Variants in KIF26B observed in about 807,000 individuals in gnomAD.
The protein encoded by KIF26B is kinesin family member 26B.
In KIF26B, 63 loss-of-function variants were observed where a neutral mutation model predicts 151.2. The observed-to-expected ratio is 0.42, with a 90% CI of 0.34 to 0.51. The LOEUF (loss-of-function observed/expected upper bound fraction) is 0.51. KIF26B is among the 20% of genes least tolerant of loss of function. KIF26B has a pLI of 0.07. For missense variants in KIF26B, 2,813 were observed against 2,913.6 expected, an observed-to-expected ratio of 0.97 and a Z score of 0.79; for synonymous variants, 1,357 against 1,262.1, an observed-to-expected ratio of 1.08 and a Z score of -1.59.
chr1:245,630,572 G>A (rs565798204), intron 9 of KIF26B, among the ~76,000 whole-genome samples: 114 of 152,212 alleles, frequency 7.5e-4, no homozygotes, highest in African/African-American at 2.6e-3. Flanking sequence ...ACACACACCA[G>A]GGCCTGTCAG....
At chr1:245,657,448 G>A (rs757593096) in intron 10 of KIF26B, among the ~76,000 whole-genome samples, 2 of 152,116 alleles carry the variant, frequency 1.3e-5, no homozygotes, top group African/African-American at 2.4e-5. Context: ...TGGTGAAGAC[G>A]GGATTTTTGT....
chr1:245,462,464 G>A (rs1028520868), intron 4 of KIF26B, among the ~76,000 whole-genome samples: 1 of 152,180 alleles, frequency 6.6e-6, no homozygotes, highest in Non-Finnish European at 1.5e-5. Flanking sequence ...ACATTACTGA[G>A]TATTTATCAG....
Position 245,703,527 on chromosome 1 carries a change from C to G in KIF26B, c.*921C>G, listed in dbSNP as rs568820578. On this transcript the variant is annotated 3_prime_UTR_variant, in exon 15 of 15. Transcript: ENST00000407071. ...TATGTTCTGTAGACCGTTTGCCCCC[C>G]TCAAGTCCTCCACACATGTGGTTCC... is the stretch of plus-strand genomic sequence containing the variant. 1 of 152,334 alleles carries G rather than the reference C, an allele frequency of 6.6e-6. No homozygotes were observed. Among genetic ancestry groups the G allele is most frequent in the Non-Finnish European group, 1.5e-5 (1 of 68,034 alleles). 9.4% of individuals were successfully genotyped at this position (152,334 alleles called of 1,614,324 possible).
At chr1:245,700,412 C>T (rs2044754296) in intron 14 of KIF26B, among the ~76,000 whole-genome samples, 1 of 152,098 alleles carries the variant, frequency 6.6e-6, no homozygotes, top group Non-Finnish European at 1.5e-5. Context: ...CATTTCCTGG[C>T]CAGGCACGGT....
At chr1:245,622,941 G>A (rs1458689464) in intron 9 of KIF26B, among the ~76,000 whole-genome samples, 3 of 151,912 alleles carry the variant, frequency 2.0e-5, no homozygotes, top group African/African-American at 2.4e-5. Context: ...GATGGAGGCC[G>A]CAGGATGTAG....
intron 9 of KIF26B, among the ~76,000 whole-genome samples, chr1:245,624,557 C>G (rs2043702854): frequency 6.6e-6 from 1 of 152,164 alleles, no homozygotes; most frequent in African/African-American, 2.4e-5. Flanking sequence ...GCATCCATAC[C>G]TCTTCTTTGG....
At chr1:245,341,531 G>A (rs1379078983) in intron 2 of KIF26B, among the ~76,000 whole-genome samples, 2 of 151,812 alleles carry the variant, frequency 1.3e-5, no homozygotes, top group African/African-American at 4.8e-5. Context: ...TAGGTTGCCC[G>A]GGCTGGTCTC....
intron 5 of KIF26B, among the ~76,000 whole-genome samples, chr1:245,554,082 A>T (rs1624249): frequency 6.6e-6 from 1 of 151,642 alleles, no homozygotes; most frequent in East Asian, 1.9e-4. Context: ...TCTTCCTCCC[A>T]TGTCCCACCC....
intron 5 of KIF26B, among the ~76,000 whole-genome samples, chr1:245,577,117 A>T (rs2043125718): frequency 6.6e-6 from 1 of 152,212 alleles, no homozygotes; most frequent in Admixed American, 6.5e-5. Context: ...TTTTAAAATG[A>T]TCTAATCCAA....
rs568309115 is a variant in KIF26B at position 245,563,628 on chromosome 1, G to A, written c.1350+22678G>A. Among the ~76,000 whole-genome samples, 2 of 152,288 alleles carry A rather than the reference G, an allele frequency of 1.3e-5. No homozygotes were observed. Among genetic ancestry groups the A allele is most frequent in the East Asian group, 3.9e-4 (2 of 5,182 alleles). The stretch of plus-strand genomic sequence containing the variant: ...AAGCAGCCAGTGGCCTCGGGAGTGG[G>A]GCTGCTTGAGACTGTGGGAACGATG... On this transcript the variant is annotated intron_variant, in intron 5 of 14. Transcript: ENST00000407071. This position sits in a 1 kb window ranked among gnomAD's most constrained non-coding sequence, Gnocchi z 4.6.
chr1:245,673,388 C>T (rs1171817085), intron 10 of KIF26B, among the ~76,000 whole-genome samples: 1 of 145,090 alleles, frequency 6.9e-6, no homozygotes, highest in Non-Finnish European at 1.5e-5. Flanking sequence ...TGCGCGCTGC[C>T]ATCTTAGGCC....
intron 2 of KIF26B, among the ~76,000 whole-genome samples, chr1:245,202,140 C>G (rs1012675024): frequency 6.6e-6 from 1 of 152,176 alleles, no homozygotes; most frequent in Non-Finnish European, 1.5e-5. Flanking sequence ...CAAGCCCTTT[C>G]ATGAGAGCCA....
At chr1:245,529,406 T>A (rs758433998) in intron 4 of KIF26B, among the ~76,000 whole-genome samples, 12 of 152,172 alleles carry the variant, frequency 7.9e-5, no homozygotes, top group Non-Finnish European at 1.5e-5. Context: ...CAGAGGGTGC[T>A]TCCCTTTGAA....
rs1288569114 is a variant in KIF26B at position 245,487,009 on chromosome 1, C to T, written c.1167-53758C>T. Among the ~76,000 whole-genome samples, 11 of 152,248 alleles carry T rather than the reference C, an allele frequency of 7.2e-5. No homozygotes were observed. The East Asian group carries it at 1.5e-3, about 21-fold the overall frequency. Reference sequence around the variant, plus strand: ...AGTCGGACGTCCTGGGCCTGAGGCACGGGTTTGTCACAAGGGGTGGCTCCC... The same window carrying T: ...AGTCGGACGTCCTGGGCCTGAGGCATGGGTTTGTCACAAGGGGTGGCTCCC... On this transcript the variant is annotated intron_variant, in intron 4 of 14. Coordinates refer to ENST00000407071, the MANE Select transcript of KIF26B (RefSeq NM_018012.4).
intron 5 of KIF26B, among the ~76,000 whole-genome samples, chr1:245,547,733 T>G (rs546052290): frequency 1.3e-5 from 2 of 152,210 alleles, no homozygotes; most frequent in Non-Finnish European, 2.9e-5. Context: ...CAGCACATTT[T>G]GGTTTAATTA....
At chr1:245,188,768 T>C (rs528968816) in intron 2 of KIF26B, among the ~76,000 whole-genome samples, 1 of 152,342 alleles carries the variant, frequency 6.6e-6, no homozygotes, top group African/African-American at 2.4e-5. Flanking sequence ...ACACCCATGT[T>C]CGTAGCAACA....
At chr1:245,421,720 T>C (rs1294725728) in intron 4 of KIF26B, among the ~76,000 whole-genome samples, 1 of 151,728 alleles carries the variant, frequency 6.6e-6, no homozygotes, top group Non-Finnish European at 1.5e-5. Context: ...GAAGTGAGGG[T>C]TCCCAATTGG....
rs2044832143 is a variant in KIF26B at position 245,705,731 on chromosome 1, G to A, written c.*3125G>A. 1 of 152,248 alleles carries A rather than the reference G, an allele frequency of 6.6e-6. No homozygotes were observed. The highest frequency in any genetic ancestry group is 1.5e-5 in the Non-Finnish European group (1 of 68,060). 9.4% of individuals were successfully genotyped at this position (152,248 alleles called of 1,614,324 possible). A position where few individuals can be genotyped will look rare whatever the true frequency, so the allele number is the denominator to read the frequency against. ...AACTAAGATCTAAGAACGGGCGGTG[G>A]TGCTATTGTGTCCCTGGGAGTCACT... On this transcript the variant is annotated 3_prime_UTR_variant, in exon 15 of 15. Transcript: ENST00000407071.
intron 4 of KIF26B, among the ~76,000 whole-genome samples, chr1:245,475,213 T>C (rs565064209): frequency 6.6e-5 from 10 of 152,010 alleles, no homozygotes; most frequent in African/African-American, 2.4e-4. Flanking sequence ...ACTGTGGCCA[T>C]CTCTGCCTTT....
Sources: allele counts gnomAD v4.1 joint callset (sites outside exome capture counted in the v4.1 genomes callset), GRCh38; gene constraint gnomAD v4.1.1; non-coding constraint Gnocchi (gnomAD v3.1); transcripts MANE v1.5; gene names NCBI Gene and HGNC (gene_info 2026-07-23, HGNC 2026-07-21).